DIAPH2: variants seen among roughly 807,000 people sequenced by gnomAD.
The protein encoded by DIAPH2 is protein diaphanous homolog 2.
In DIAPH2, 35 loss-of-function variants were observed where a neutral mutation model predicts 92.7. The ratio of observed to expected loss-of-function variants is 0.38; its 90% CI spans 0.29 to 0.50. The LOEUF (loss-of-function observed/expected upper bound fraction) is 0.50, where lower values mean the gene tolerates loss of function less well. Among genes scored for constraint, DIAPH2 ranks in the 20% least tolerant of loss-of-function variants. The pLI, the probability that DIAPH2 is intolerant of heterozygous loss-of-function variation, is 0.94. For synonymous variants in DIAPH2, 301 were observed against 280.4 expected, an observed-to-expected ratio of 1.07 and a Z score of -0.73; for missense variants, 701 against 819.5, an observed-to-expected ratio of 0.86 and a Z score of 1.77.
chrX:97,509,086 G>A (rs1304022104), intron 26 of DIAPH2, among the ~76,000 whole-genome samples: 6 of 106,156 alleles, frequency 5.7e-5, no homozygotes, highest in East Asian at 2.9e-4. Context: ...TCGCTCTGTC[G>A]CCGAGGCTGG....
At chrX:97,012,280 C>G (rs1431490411) in intron 17 of DIAPH2, among the ~76,000 whole-genome samples, 1 of 112,114 alleles carries the variant, frequency 8.9e-6, no homozygotes, top group Non-Finnish European at 1.9e-5. Context: ...GAAGGTTACT[C>G]TGTGCTAGCC....
intron 23 of DIAPH2, among the ~76,000 whole-genome samples, chrX:97,300,823 T>G (rs1242482503): frequency 1.0e-5 from 1 of 98,134 alleles, no homozygotes; most frequent in Admixed American, 1.2e-4. Context: ...TCCCAGCTAC[T>G]TGGGAGGCTG....
At chrX:97,469,603 T>C in intron 26 of DIAPH2, 1 of 819,445 alleles carries the variant, frequency 1.2e-6, no homozygotes, top group Non-Finnish European at 1.7e-6. Flanking sequence ...GAGCTGTTTA[T>C]GGTTTTGTCT....
At chrX:97,575,661 T>C (rs1012190823) in intron 26 of DIAPH2, among the ~76,000 whole-genome samples, 1 of 111,531 alleles carries the variant, frequency 9.0e-6, no homozygotes, top group Non-Finnish European at 1.9e-5. Flanking sequence ...GGATCTGCAG[T>C]GTGAGGTAGC....
intron 25 of DIAPH2, among the ~76,000 whole-genome samples, chrX:97,399,547 C>A (rs945079587): frequency 8.9e-6 from 1 of 112,240 alleles, no homozygotes; most frequent in Non-Finnish European, 1.9e-5. Context: ...CTGCACCTCT[C>A]TCCCCTCCTT....
chrX:97,136,513 C>CT (rs1286617468), intron 21 of DIAPH2, among the ~76,000 whole-genome samples: 1 of 111,359 alleles, frequency 9.0e-6, no homozygotes, highest in Non-Finnish European at 1.9e-5. Context: ...GAACCATTTA[C>CT]TTTTTTTAAG....
At position 97,300,887 on chromosome X, in the gene DIAPH2, A is replaced by G. The variant is rs375178609; in HGVS notation, c.2845-47229A>G. On this transcript the variant is annotated intron_variant, in intron 23 of 26. Transcript: ENST00000324765. Reference sequence around the variant, plus strand: ...GCGGAGGTTGCTGTGAGCCGAGATCACGCCACTGCACTCCAGCCTGGGCCA... The same window carrying G: ...GCGGAGGTTGCTGTGAGCCGAGATCGCGCCACTGCACTCCAGCCTGGGCCA... 5.4e-3 allele frequency among the ~76,000 whole-genome samples: 479 copies of G among 88,321 alleles called. 9 individuals are homozygous for G. The highest frequency in any genetic ancestry group is 0.019 in the African/African-American group (450 of 23,968). The allele number at this position is 88,321 out of a possible 115,157, so 76.7% of individuals were successfully genotyped here.
intron 4 of DIAPH2, among the ~76,000 whole-genome samples, chrX:96,834,293 C>CA (rs1489379090): frequency 9.0e-6 from 1 of 111,244 alleles, no homozygotes; most frequent in East Asian, 2.8e-4. Context: ...TTCCAGAATC[C>CA]AAAAAAATCT....
Position 97,500,763 on chromosome X carries a change from GATATATATATATAT to G in DIAPH2, c.3241+71045_3241+71058del, listed in dbSNP as rs56041649. Among the ~76,000 whole-genome samples the G allele has an allele frequency of 5.7e-3, 343 of 60,097 alleles. 1 individual carries two copies. The highest frequency in any genetic ancestry group is 0.027 in the Middle Eastern group (2 of 73). 52.2% of individuals were successfully genotyped at this position (60,097 alleles called of 115,157 possible). On this transcript the variant is annotated intron_variant, in intron 26 of 26. Transcript: ENST00000324765. ...TGATTTCACAACAGCCATTCAAGGA[GATATATATATATAT>G]ATATATATATATATATATATATATA...
intron 26 of DIAPH2, among the ~76,000 whole-genome samples, chrX:97,476,350 C>A (rs971369968): frequency 1.8e-5 from 2 of 111,767 alleles, no homozygotes; most frequent in African/African-American, 6.5e-5. Context: ...CAAGGATTTG[C>A]ATAAAAAATG....
chrX:97,462,289 G>A (rs1419981307), intron 26 of DIAPH2, among the ~76,000 whole-genome samples: 3 of 112,217 alleles, frequency 2.7e-5, no homozygotes, highest in African/African-American at 9.7e-5. Flanking sequence ...TTAGAATAAT[G>A]AGCCCATTTT....
chrX:97,265,575 A>G (rs1391680878), intron 23 of DIAPH2, among the ~76,000 whole-genome samples: 1 of 112,016 alleles, frequency 8.9e-6, no homozygotes, highest in Non-Finnish European at 1.9e-5. Context: ...GAAATATAGA[A>G]AGATTCCAGA....
At chrX:97,435,136 G>A (rs1278507034) in intron 26 of DIAPH2, among the ~76,000 whole-genome samples, 3 of 111,600 alleles carry the variant, frequency 2.7e-5, no homozygotes, top group Non-Finnish European at 5.7e-5. Flanking sequence ...GTAAAAAACC[G>A]ATGATTTGCT....
rs189695445 is a variant in DIAPH2 at position 96,879,647 on chromosome X, G to A, written c.448-1932G>A. ...TCCTTGTGAAATAATAGATGGATAA[G>A]GAAGTTACAGGAATATGGACATGAT... On this transcript the variant is annotated intron_variant, in intron 4 of 26. Transcript: ENST00000324765. Among the ~76,000 whole-genome samples the A allele has an allele frequency of 8.2e-5, 9 of 110,273 alleles. No homozygotes were observed. In the Admixed American group the frequency reaches 8.7e-4, roughly 11 times the overall value.
At chrX:97,012,765 G>A (rs183091777) in intron 17 of DIAPH2, among the ~76,000 whole-genome samples, 26 of 111,726 alleles carry the variant, frequency 2.3e-4, no homozygotes, top group Non-Finnish European at 9.4e-5. Flanking sequence ...TATGGGTGTG[G>A]GATTATAGAA....
intron 17 of DIAPH2, among the ~76,000 whole-genome samples, chrX:97,021,173 C>CCT (rs2066294913): frequency 9.0e-6 from 1 of 111,669 alleles, no homozygotes; most frequent in Admixed American, 9.5e-5. Flanking sequence ...CTCTTAGTGT[C>CCT]CTTAGGGACT....
In DIAPH2 at chrX:96,684,944, C is replaced by G. The variant is rs1045919703; in HGVS notation, c.-115C>G. ...CGGCAGCTTCCCGGGCAGACACTCTCTCCCTCAGGAAGAGGTGCCGCCGAG... is the reference window on the plus strand; with the variant it reads ...CGGCAGCTTCCCGGGCAGACACTCTGTCCCTCAGGAAGAGGTGCCGCCGAG... On this transcript the variant is annotated 5_prime_UTR_variant, in exon 1 of 27. Transcript: ENST00000324765. 1.2e-6 allele frequency: 1 copy of G among 859,130 alleles called. No homozygotes were observed. 70.8% of individuals were successfully genotyped at this position (859,130 alleles called of 1,213,427 possible).
intron 22 of DIAPH2, among the ~76,000 whole-genome samples, chrX:97,191,659 A>G (rs910833067): frequency 1.7e-4 from 19 of 112,315 alleles, no homozygotes; most frequent in African/African-American, 5.8e-4. Context: ...AAAACCTACA[A>G]TGCATTCATT....
At chrX:97,136,423 C>T (rs1158619376) in intron 21 of DIAPH2, among the ~76,000 whole-genome samples, 1 of 111,722 alleles carries the variant, frequency 9.0e-6, no homozygotes, top group Non-Finnish European at 1.9e-5. Flanking sequence ...AAGGTTCGGA[C>T]CTGGTTCTGT....
Sources: gnomAD v4.1 joint callset for allele counts (sites outside exome capture counted in the v4.1 genomes callset) on GRCh38, gnomAD v4.1.1 for gene constraint, MANE v1.5 for transcripts, NCBI Gene and HGNC (gene_info 2026-07-23, HGNC 2026-07-21) for gene names.